Variants in WDFY2 observed in about 807,000 individuals in gnomAD.
WDFY2 encodes the protein WD repeat and FYVE domain containing 2.
In WDFY2, 36 loss-of-function variants were observed where a neutral mutation model predicts 56.4. The observed-to-expected ratio is 0.64, with a 90% CI of 0.49 to 0.84. WDFY2 has a LOEUF of 0.84. Among genes scored for constraint, WDFY2 ranks in the 40% least tolerant of loss-of-function variants. WDFY2 has a pLI of 0.00. For synonymous variants in WDFY2, 176 were observed against 183.7 expected, an observed-to-expected ratio of 0.96 and a Z score of 0.34; for missense variants, 444 against 512.2, an observed-to-expected ratio of 0.87 and a Z score of 1.29.
chr13:51,735,165 G>A (rs1304021128), intron 6 of WDFY2, among the ~76,000 whole-genome samples: 1 of 152,188 alleles, frequency 6.6e-6, no homozygotes, highest in Non-Finnish European at 1.5e-5. Context: ...CTGATGTCTT[G>A]CACAGCCTTC....
At chr13:51,686,613 A>AT (rs1956066185) in intron 3 of WDFY2, among the ~76,000 whole-genome samples, 4 of 152,094 alleles carry the variant, frequency 2.6e-5, no homozygotes. Context: ...CCAAATGTAT[A>AT]TTTTTGTTTG....
rs1389122675 is a variant in WDFY2 at position 51,692,090 on chromosome 13, G to T, written c.280-11506G>T. Among the ~76,000 whole-genome samples the T allele has an allele frequency of 2.6e-3, 401 of 152,124 alleles. 1 individual carries two copies. Among genetic ancestry groups the T allele is most frequent in the African/African-American group, 7.9e-3 (326 of 41,490 alleles). On this transcript the variant is annotated intron_variant, in intron 3 of 11. Coordinates refer to ENST00000298125, the MANE Select transcript of WDFY2 (RefSeq NM_052950.4). ...GTTGCTTATCAGCTTAAGGAGATTT[G>T]GGGCTGAGACAATGGGGTTTTCTAG...
At position 51,735,814 on chromosome 13, in the gene WDFY2, CTCCCTACACCATCCTAAACTTTTT is replaced by C. The variant is rs540888487; in HGVS notation, c.599-3234_599-3211del. Among the ~76,000 whole-genome samples the C allele has an allele frequency of 4.6e-5, 7 of 152,244 alleles. No homozygotes were observed. In the East Asian group the frequency reaches 1.4e-3, roughly 29 times the overall value. On this transcript the variant is annotated intron_variant, in intron 6 of 11. Coordinates refer to ENST00000298125, the MANE Select transcript of WDFY2 (RefSeq NM_052950.4). The stretch of plus-strand genomic sequence containing the variant: ...AGGCATGGGACCCCAGAGTTATTTA[CTCCCTACACCATCCTAAACTTTTT>C]CTTGTCTTGCAGCTTTTCCTTCTAT...
At chr13:51,608,839 G>A (rs562305162) in intron 1 of WDFY2, among the ~76,000 whole-genome samples, 2 of 152,018 alleles carry the variant, frequency 1.3e-5, no homozygotes, top group Non-Finnish European at 2.9e-5. Flanking sequence ...ACCTCATTCA[G>A]TACCACAATG....
intron 3 of WDFY2, among the ~76,000 whole-genome samples, chr13:51,690,790 G>A (rs1040619763): frequency 5.9e-5 from 9 of 152,276 alleles, no homozygotes; most frequent in Admixed American, 2.6e-4. Context: ...CACAACGGTT[G>A]AACTAGTTTA....
intron 1 of WDFY2, among the ~76,000 whole-genome samples, chr13:51,630,618 C>G (rs531322731): frequency 2.0e-5 from 3 of 152,104 alleles, no homozygotes; most frequent in African/African-American, 7.2e-5. Context: ...TTCTTTCACC[C>G]AGTTGATGAG....
chr13:51,591,524 G>C (rs558687598), intron 1 of WDFY2: 1 of 152,268 alleles, frequency 6.6e-6, no homozygotes, highest in South Asian at 2.1e-4. Flanking sequence ...AAAAAATATA[G>C]TTAGCATTGC....
At chr13:51,609,452 A>G (rs562284013) in intron 1 of WDFY2, among the ~76,000 whole-genome samples, 53 of 152,334 alleles carry the variant, frequency 3.5e-4, no homozygotes, top group African/African-American at 1.1e-3. Flanking sequence ...AGTAGATACA[A>G]GAACTAAAAA....
chr13:51,732,722 C>T (rs1179497469), intron 6 of WDFY2, among the ~76,000 whole-genome samples: 1 of 152,186 alleles, frequency 6.6e-6, no homozygotes, highest in Admixed American at 6.5e-5. Flanking sequence ...ACAGTGGAGA[C>T]TCACACAGAT....
chr13:51,708,588 A>G (rs1160660910), intron 4 of WDFY2, among the ~76,000 whole-genome samples: 2 of 152,136 alleles, frequency 1.3e-5, no homozygotes, highest in African/African-American at 2.4e-5. Context: ...AATTAAAAAA[A>G]AAAAGCAGAC....
chr13:51,612,360 T>C (rs1454653369), intron 1 of WDFY2, among the ~76,000 whole-genome samples: 1 of 152,248 alleles, frequency 6.6e-6, no homozygotes, highest in Non-Finnish European at 1.5e-5. Flanking sequence ...TGATTACCTA[T>C]GACAGATACT....
In WDFY2 at chr13:51,751,927, TTC is replaced by T. The variant is rs1446256731; in HGVS notation, c.831+514_831+515del. Reference sequence around the variant, plus strand: ...CACGTATTTACATGTTATCAGAACATTCTTTTTTATGAGCTTTCATTTTAATC... The same window carrying T: ...CACGTATTTACATGTTATCAGAACATTTTTTTATGAGCTTTCATTTTAATC... On this transcript the variant is annotated intron_variant, in intron 8 of 11. Coordinates refer to ENST00000298125, the MANE Select transcript of WDFY2 (RefSeq NM_052950.4). Among the ~76,000 whole-genome samples the T allele has an allele frequency of 2.0e-5, 3 of 152,252 alleles. No individual in the cohort carries two copies. In the East Asian group the frequency reaches 5.8e-4, roughly 29 times the overall value.
chr13:51,682,867 G>C (rs565474434), intron 3 of WDFY2, among the ~76,000 whole-genome samples: 1 of 152,238 alleles, frequency 6.6e-6, no homozygotes, highest in South Asian at 2.1e-4. Context: ...AGTTCCAAGG[G>C]GAGGAAATGT....
intron 3 of WDFY2, among the ~76,000 whole-genome samples, 169 bp downstream of exon 3, chr13:51,675,412 C>T (rs1042799319): frequency 1.3e-5 from 2 of 152,150 alleles, no homozygotes; most frequent in African/African-American, 4.8e-5. Flanking sequence ...GTAGGGAGAG[C>T]TATCATCAGT....
chr13:51,628,478 G>T (rs369724114), intron 1 of WDFY2, among the ~76,000 whole-genome samples: 2 of 152,220 alleles, frequency 1.3e-5, no homozygotes, highest in Non-Finnish European at 2.9e-5. Flanking sequence ...GGATGCTCGT[G>T]TCTGGAGCTT....
rs562995439 is a variant in WDFY2, at chr13:51,628,383, A to G, written c.138-32213A>G. Reference sequence around the variant, plus strand: ...TTGTTCTGAAATCAGAGCGGACGCCAGGAGGTGGGAGAGGCCAGGGCGTGG... The same window carrying G: ...TTGTTCTGAAATCAGAGCGGACGCCGGGAGGTGGGAGAGGCCAGGGCGTGG... On this transcript the variant is annotated intron_variant, in intron 1 of 11. Transcript: ENST00000298125. 4.6e-5 allele frequency among the ~76,000 whole-genome samples: 7 copies of G among 152,348 alleles called. No individual in the cohort carries two copies. The South Asian group carries it at 1.4e-3, about 32-fold the overall frequency.
intron 1 of WDFY2, among the ~76,000 whole-genome samples, chr13:51,610,348 T>C (rs1412503568): frequency 6.6e-6 from 1 of 151,608 alleles, no homozygotes; most frequent in East Asian, 1.9e-4. Context: ...ATAATTAAAA[T>C]GGAAAGTTTA....
chr13:51,719,063 C>A, intron 4 of WDFY2, 135 bp from the exon 5 acceptor site: 1 of 1,240,696 alleles, frequency 8.1e-7, no homozygotes, highest in Non-Finnish European at 1.1e-6. Context: ...CACTGTTCTA[C>A]CTTGTCCTTA....
intron 3 of WDFY2, among the ~76,000 whole-genome samples, chr13:51,676,610 T>G (rs1955892343): frequency 6.6e-6 from 1 of 152,208 alleles, no homozygotes; most frequent in South Asian, 2.1e-4. Flanking sequence ...AGTCAAAACA[T>G]TTGCTTGGTG....
Sources: gnomAD v4.1 joint callset for allele counts (sites outside exome capture counted in the v4.1 genomes callset) on GRCh38, gnomAD v4.1.1 for gene constraint, MANE v1.5 for transcripts, NCBI Gene and HGNC (gene_info 2026-07-23, HGNC 2026-07-21) for gene names.